The following DRICH1 variants were observed in gnomAD, a reference collection of about 807,000 sequenced individuals.
DRICH1 encodes aspartate-rich protein 1.
A neutral mutation model predicts 39.5 loss-of-function variants in DRICH1; 38 were observed. The ratio of observed to expected loss-of-function variants is 0.96; its 90% CI spans 0.74 to 1.26. DRICH1 has a LOEUF of 1.26. DRICH1 is among the 50% of genes most tolerant of loss of function. The pLI is 0.00. For missense variants in DRICH1, 279 were observed against 270.4 expected, an observed-to-expected ratio of 1.03 and a Z score of -0.22; for synonymous variants, 84 against 99.5, an observed-to-expected ratio of 0.84 and a Z score of 0.93.
rs1007754524 is a variant in DRICH1, at chr22:23,608,560, A to C, written c.*204T>G. On this transcript the variant is annotated 3_prime_UTR_variant, in exon 12 of 12. Coordinates refer to ENST00000317749, the MANE Select transcript of DRICH1 (RefSeq NM_016449.4). ...CCAAAGGAGAAATGCCAGGCCCAGA[A>C]GCACTGGGTCCTGGATGGTACAGGC... 1.8e-6 allele frequency: 1 copy of C among 540,700 alleles called. No individual in the cohort carries two copies. Among genetic ancestry groups the C allele is most frequent in the African/African-American group, 1.9e-5 (1 of 53,298 alleles). 33.5% of individuals were successfully genotyped at this position (540,700 alleles called of 1,614,324 possible). A position where few individuals can be genotyped will look rare whatever the true frequency, so the allele number is the denominator to read the frequency against.
chr22:23,618,945 G>T (rs1460541900), intron 6 of DRICH1, among the ~76,000 whole-genome samples: 4 of 151,950 alleles, frequency 2.6e-5, no homozygotes, highest in African/African-American at 7.3e-5. Flanking sequence ...AGGCCGAGGT[G>T]GGGGGATCAC....
At chr22:23,615,125 G>GCCT (rs1927278085) in intron 8 of DRICH1, among the ~76,000 whole-genome samples, 2 of 152,160 alleles carry the variant, frequency 1.3e-5, no homozygotes, top group Admixed American at 6.5e-5. Context: ...TGTAATCCCA[G>GCCT]CAGTTTGGGA....
intron 8 of DRICH1, 69 bp from the exon 9 acceptor site, chr22:23,614,283 C>A: frequency 9.1e-7 from 1 of 1,104,804 alleles, no homozygotes; most frequent in Non-Finnish European, 1.4e-6. Flanking sequence ...GGGAGCTTTG[C>A]TGGATGTGGT....
chr22:23,609,983 C>A (rs896304967), intron 11 of DRICH1, among the ~76,000 whole-genome samples: 1 of 152,128 alleles, frequency 6.6e-6, no homozygotes, highest in Non-Finnish European at 1.5e-5. Context: ...GCCCCTCATG[C>A]CTTCACTGGA....
chr22:23,587,957 T>A, the DRICH1 span, among the ~76,000 whole-genome samples: 2 of 152,070 alleles, frequency 1.3e-5, no homozygotes, highest in Non-Finnish European at 2.9e-5. Context: ...CTGATCAAAT[T>A]CCCAATCCCC....
intron 3 of DRICH1, among the ~76,000 whole-genome samples, chr22:23,624,628 C>T (rs538890550): frequency 6.6e-6 from 1 of 152,198 alleles, no homozygotes; most frequent in East Asian, 1.9e-4. Flanking sequence ...TCTTTACCAA[C>T]ATCAGGATAA....
chr22:23,611,225 G>C (rs1433203020), intron 11 of DRICH1, among the ~76,000 whole-genome samples: 1 of 152,262 alleles, frequency 6.6e-6, no homozygotes, highest in East Asian at 1.9e-4. Flanking sequence ...AAGAGATCCA[G>C]CTCTTGGCGT....
chr22:23,630,183 C>T (rs777722085), intron 1 of DRICH1, among the ~76,000 whole-genome samples: 13 of 152,266 alleles, frequency 8.5e-5, no homozygotes, highest in African/African-American at 2.9e-4. Flanking sequence ...AGTTATGTGA[C>T]CACTGGGGCC....
chr22:23,595,760 AG>A, the DRICH1 span, among the ~76,000 whole-genome samples: 2 of 152,174 alleles, frequency 1.3e-5, no homozygotes, highest in Non-Finnish European at 2.9e-5. Flanking sequence ...AACCATGGTG[AG>A]GGAGGAAGGG....
chr22:23,618,401 A>T (rs185982520), intron 6 of DRICH1, among the ~76,000 whole-genome samples: 248 of 152,146 alleles, frequency 1.6e-3, no homozygotes, highest in African/African-American at 5.7e-3. Flanking sequence ...GGGGTGAGCC[A>T]CCGCACCCAG....
In DRICH1 at chr22:23,613,663, G is replaced by C; in HGVS notation, c.622-3C>G. 1 of 1,595,098 alleles carries C rather than the reference G, an allele frequency of 6.3e-7. No individual in the cohort carries two copies. Among genetic ancestry groups the C allele is most frequent in the African/African-American group, 1.3e-5 (1 of 74,538 alleles). On this transcript the variant is annotated splice_polypyrimidine_tract_variant and splice_region_variant and intron_variant, in intron 9 of 11. Transcript: ENST00000317749. ...CCACTTTCTATCCGAGCTGTTATCT[G>C]CAATTATATAAAAGAAAACATTATG...
intron 1 of DRICH1, among the ~76,000 whole-genome samples, chr22:23,627,231 CCTGG>C (rs1928122490): frequency 6.6e-6 from 1 of 152,048 alleles, no homozygotes; most frequent in African/African-American, 2.4e-5. Context: ...CGTCACCACA[CCTGG>C]CTAATTTTTG....
chr22:23,618,379 G>A (rs1927501852), intron 6 of DRICH1, among the ~76,000 whole-genome samples: 1 of 151,850 alleles, frequency 6.6e-6, no homozygotes. Flanking sequence ...CTCCCAAAGT[G>A]CTGGGATTAC....
At chr22:23,629,228 A>G (rs1928251059) in intron 1 of DRICH1, among the ~76,000 whole-genome samples, 2 of 152,176 alleles carry the variant, frequency 1.3e-5, no homozygotes, top group African/African-American at 4.8e-5. Flanking sequence ...CAGTAGAGAC[A>G]GGGTTTCGCC....
the DRICH1 span, among the ~76,000 whole-genome samples, chr22:23,593,658 G>A: frequency 6.6e-6 from 1 of 150,996 alleles, no homozygotes; most frequent in East Asian, 1.9e-4. Context: ...AATTAGCTGG[G>A]CATGATGTCG....
chr22:23,581,380 C>T, the DRICH1 span: 1 of 152,258 alleles, frequency 6.6e-6, no homozygotes, highest in African/African-American at 2.4e-5. Context: ...AGCACCTGTG[C>T]TGGGCGGCCA....
the DRICH1 span, among the ~76,000 whole-genome samples, chr22:23,593,527 A>G: frequency 3.9e-5 from 6 of 152,208 alleles, no homozygotes; most frequent in African/African-American, 1.4e-4. Flanking sequence ...TAGGCCAGGC[A>G]CAGTGGCTCA....
Position 23,631,970 on chromosome 22 carries a change from C to T in DRICH1, c.54G>A (p.Gly18=). The T allele has an allele frequency of 2.5e-6, 4 of 1,613,714 alleles. No individual in the cohort carries two copies. Among genetic ancestry groups the T allele is most frequent in the East Asian group, 2.2e-5 (1 of 44,882 alleles). ...CAGATTCATAACAGGGTGCGTCCTT[C>T]CCCCTGGGCCAGCCACAGTGGGAGT... ...CINSHCGWPR[G]KDAPCYESDT... The change falls in exon 1 of 12, where the codon GGG becomes GGA. Residue 18 remains glycine, a synonymous_variant. Transcript: ENST00000317749.
At chr22:23,616,943 T>C (rs1602337629) in intron 7 of DRICH1, 69 bp from the exon 8 acceptor site, 1 of 1,570,284 alleles carries the variant, frequency 6.4e-7, no homozygotes, top group East Asian at 2.2e-5. Context: ...CACAGATCTG[T>C]TAGTCTCTTG....
Sources: allele counts gnomAD v4.1 joint callset (sites outside exome capture counted in the v4.1 genomes callset), GRCh38; gene constraint gnomAD v4.1.1; transcripts MANE v1.5; gene names NCBI Gene and HGNC (gene_info 2026-07-23, HGNC 2026-07-21).